L3MBTL1: variants seen among roughly 807,000 people sequenced by gnomAD.
The protein encoded by L3MBTL1 is lethal(3)malignant brain tumor-like protein 1.
A neutral mutation model predicts 105.3 loss-of-function variants in L3MBTL1; 75 were observed. That is an observed-to-expected ratio of 0.71 (90% confidence interval 0.59 to 0.86). The LOEUF (loss-of-function observed/expected upper bound fraction) is 0.86. Ranked by LOEUF, L3MBTL1 falls within the 40% of genes least tolerant of loss-of-function variation. The pLI is 0.00. For missense variants in L3MBTL1, 1,069 were observed against 1,126.4 expected (o/e 0.95, Z 0.73); for synonymous variants, 452 against 436.2 (o/e 1.04, Z -0.45).
rs941421725 is a variant in L3MBTL1 at position 43,528,618 on chromosome 20, A to T, written c.863-39A>T. ...AAGCCGAAGAAAGTCATATATCAGG[A>T]ACAGCCCAGGAGTTAGCCTGTCTGT... On this transcript the variant is annotated intron_variant, in intron 7 of 21. Transcript: ENST00000418998. 2.7e-6 allele frequency: 4 copies of T among 1,498,766 alleles called. No homozygotes were observed. In the African/African-American group the frequency reaches 4.1e-5, roughly 15 times the overall value. The allele number at this position is 1,498,766 out of a possible 1,614,324, so 92.8% of individuals were successfully genotyped here.
intron 7 of L3MBTL1, among the ~76,000 whole-genome samples, chr20:43,518,266 G>A (rs942223323): frequency 5.3e-5 from 8 of 151,856 alleles, no homozygotes; most frequent in Non-Finnish European, 1.2e-4. Context: ...GAATCTGGGG[G>A]GTGGGAATGG....
chr20:43,533,294 C>G, intron 12 of L3MBTL1, 48 bp from the exon 13 acceptor site: 4 of 1,567,334 alleles, frequency 2.6e-6, no homozygotes, highest in Non-Finnish European at 3.5e-6. Context: ...ATGGCAGGCT[C>G]AGGGCCTCAA....
chr20:43,530,129 G>C (rs540854808), intron 9 of L3MBTL1, among the ~76,000 whole-genome samples, 155 bp from the exon 10 acceptor site: 3 of 152,328 alleles, frequency 2.0e-5, no homozygotes, highest in African/African-American at 7.2e-5. Flanking sequence ...GAATAGGACA[G>C]GGTGGGGTAC....
Position 43,514,734 on chromosome 20 carries a change from GGGGCCCCGGCGGGAGATGGCGAGGC to G in L3MBTL1, c.468_492del (p.Ala157AsnfsTer57). On this transcript the variant is annotated frameshift_variant, in exon 4 of 22. Coordinates refer to ENST00000418998, the MANE Select transcript of L3MBTL1 (RefSeq NM_001377303.1). LOFTEE classifies it high-confidence loss of function. ...AGGCGTGACCGAATACGAAGATGGC[GGGGCCCCGGCGGGAGATGGCGAGGC>G]GGGCCCCCAACAGGCGGGTAGGAGC... 1 of 1,572,792 alleles carries G rather than the reference GGGGCCCCGGCGGGAGATGGCGAGGC, an allele frequency of 6.4e-7. No individual in the cohort carries two copies. The highest frequency in any genetic ancestry group is 1.2e-5 in the South Asian group (1 of 86,256).
chr20:43,514,171 A>G, intron 3 of L3MBTL1, 110 bp downstream of exon 3: 2 of 1,007,066 alleles, frequency 2.0e-6, no homozygotes, highest in Non-Finnish European at 2.9e-6. Flanking sequence ...GGCTCAGATG[A>G]TGGGCCCTAG....
In L3MBTL1 at chr20:43,540,163, A is replaced by T. The variant is rs760465225; in HGVS notation, c.2186A>T (p.Asp729Val). ...CTCTGCTTTCCAGCCCTCACGCCCG[A>T]TGTCGTGCACCAGTCCCTCTTCATG... ...PQEDFQTLTP[D>V]VVHQSLFMSA... Residue 729 changes from aspartate to valine, a missense_variant, in exon 20 of 22, where the codon GAT becomes GTT. Coordinates refer to ENST00000418998, the MANE Select transcript of L3MBTL1 (RefSeq NM_001377303.1). The T allele has an allele frequency of 6.2e-7, 1 of 1,612,344 alleles. No homozygotes were observed. The highest frequency in any genetic ancestry group is 1.7e-5 in the Admixed American group (1 of 60,006).
intron 1 of L3MBTL1, among the ~76,000 whole-genome samples, chr20:43,513,255 T>G (rs1282179171): frequency 1.3e-5 from 2 of 152,182 alleles, no homozygotes; most frequent in African/African-American, 2.4e-5. Context: ...CTTACCATCC[T>G]TACAGAGACT....
At chr20:43,537,786 A>G (rs138739521) in intron 19 of L3MBTL1, among the ~76,000 whole-genome samples, 1 of 152,290 alleles carries the variant, frequency 6.6e-6, no homozygotes, top group African/African-American at 2.4e-5. Context: ...CCTTGGCGAG[A>G]CCCAAGCTGT....
chr20:43,546,570 C>T (rs1978613038), downstream of L3MBTL1, among the ~76,000 whole-genome samples: 1 of 152,042 alleles, frequency 6.6e-6, no homozygotes, highest in Admixed American at 6.5e-5. Context: ...GTTTTCATTG[C>T]TATGATGCTT....
chr20:43,536,055 G>A (rs1357317605), intron 17 of L3MBTL1, 42 bp from the exon 18 acceptor site: 3 of 1,607,630 alleles, frequency 1.9e-6, no homozygotes, highest in Non-Finnish European at 2.6e-6. Context: ...GGCTCAGCGG[G>A]GACCAGTGGA....
At chr20:43,522,630 G>A (rs183691079) in intron 7 of L3MBTL1, among the ~76,000 whole-genome samples, 1 of 150,972 alleles carries the variant, frequency 6.6e-6, no homozygotes, top group Non-Finnish European at 1.5e-5. Context: ...ACACCACCGT[G>A]CCTGGCTAAT....
chr20:43,528,547 C>T lies in L3MBTL1; in HGVS notation c.863-110C>T, dbSNP rs540709938. 4.1e-4 allele frequency: 323 copies of T among 782,036 alleles called. 1 individual carries two copies. The highest frequency in any genetic ancestry group is 2.5e-3 in the African/African-American group (147 of 58,778). 48.4% of individuals were successfully genotyped at this position (782,036 alleles called of 1,614,324 possible). On this transcript the variant is annotated intron_variant, in intron 7 of 21. Coordinates refer to ENST00000418998, the MANE Select transcript of L3MBTL1 (RefSeq NM_001377303.1). Reference sequence around the variant, plus strand: ...TGGGACCAGAGGGTACATGTGAACACAGACAAAGATTTGTTTTGGGGGTGA... The same window carrying T: ...TGGGACCAGAGGGTACATGTGAACATAGACAAAGATTTGTTTTGGGGGTGA...
Position 43,515,056 on chromosome 20 carries a change from G to T in L3MBTL1, c.550G>T (p.Glu184Ter). The change falls in exon 5 of 22, where the codon GAG (glutamate) becomes TAG (stop). Residue 184 changes from glutamate (E) to a stop codon, truncating the protein, a stop_gained. Transcript: ENST00000418998. LOFTEE classifies it high-confidence loss of function. ...AGAAGATCCCAATCAGGACCCCCCA[G>T]AGGATGATAGCACCTGTCAGTGCCA... ...PPEDPNQDPP[E>*]DDSTCQCQAC... 1 of 1,614,154 alleles carries T rather than the reference G, an allele frequency of 6.2e-7. No individual in the cohort carries two copies. Among genetic ancestry groups the T allele is most frequent in the Non-Finnish European group, 8.5e-7 (1 of 1,179,972 alleles).
chr20:43,514,598 A>G (rs575393830), intron 3 of L3MBTL1, 37 bp from the exon 4 acceptor site: 1 of 1,599,362 alleles, frequency 6.3e-7, no homozygotes, highest in Admixed American at 1.7e-5. Flanking sequence ...AAGGACCCGT[A>G]CGGGAGTCGC....
intron 20 of L3MBTL1, among the ~76,000 whole-genome samples, 185 bp from the exon 21 acceptor site, chr20:43,540,568 C>T (rs188150213): frequency 2.6e-5 from 4 of 152,248 alleles, no homozygotes; most frequent in Admixed American, 1.3e-4. Flanking sequence ...AGGCTTCGGT[C>T]CCAGGCCTCA....
intron 7 of L3MBTL1, among the ~76,000 whole-genome samples, chr20:43,518,468 T>C (rs191245060): frequency 6.6e-6 from 1 of 152,332 alleles, no homozygotes; most frequent in Non-Finnish European, 1.5e-5. Flanking sequence ...TTCTGTCTCA[T>C]AGATCTTCTC....
exon 19 of L3MBTL1, chr20:43,548,988 A>G (rs1246615418): frequency 6.6e-6 from 1 of 152,302 alleles, no homozygotes; most frequent in Non-Finnish European, 1.5e-5. Flanking sequence ...TTTCAGCAGA[A>G]TGAGCAGGTG....
rs765009782 is a variant in L3MBTL1 at position 43,534,287 on chromosome 20, C to A, written c.1603C>A (p.Pro535Thr). 1 of 1,613,610 alleles carries A rather than the reference C, an allele frequency of 6.2e-7. No individual in the cohort carries two copies. The highest frequency in any genetic ancestry group is 8.5e-7 in the Non-Finnish European group (1 of 1,179,800). ...AVPTWAFKVRPPHSFLVNMKL... is the reference protein window; with the variant it reads ...AVPTWAFKVRTPHSFLVNMKL... ...AAGGCAGCTGTCCCCTCTGCAGCGACCCCCTCACAGCTTCCTGGTCAATAT... is the reference window on the plus strand; with the variant it reads ...AAGGCAGCTGTCCCCTCTGCAGCGAACCCCTCACAGCTTCCTGGTCAATAT... Residue 535 changes from proline (P) to threonine (T), a missense_variant, in exon 15 of 22, where the codon CCC (proline) becomes ACC (threonine). Transcript: ENST00000418998.
At chr20:43,534,455 C>T in intron 15 of L3MBTL1, 61 bp downstream of exon 15, 2 of 1,340,336 alleles carry the variant, frequency 1.5e-6, no homozygotes, top group Non-Finnish European at 1.1e-6. Flanking sequence ...ATTCTGTAGA[C>T]TGTTTAGAGG....
Sources: allele counts gnomAD v4.1 joint callset (sites outside exome capture counted in the v4.1 genomes callset), GRCh38; gene constraint gnomAD v4.1.1; transcripts MANE v1.5; gene names NCBI Gene and HGNC (gene_info 2026-07-23, HGNC 2026-07-21).